GAB1: variants seen among roughly 807,000 people sequenced by gnomAD.
GAB1 encodes the protein GRB2 associated binding protein 1, also known as GRB2-associated-binding protein 1.
A neutral mutation model predicts 66.5 loss-of-function variants in GAB1; 19 were observed. The ratio of observed to expected loss-of-function variants is 0.29; its 90% confidence interval spans 0.20 to 0.42. The LOEUF is 0.42. Among genes scored for constraint, GAB1 ranks in the 10% least tolerant of loss-of-function variants. GAB1 has a pLI of 1.00. For synonymous variants in GAB1, 294 were observed against 301.4 expected, an observed-to-expected ratio of 0.98 and a Z score of 0.25; for missense variants, 732 against 858.5, an observed-to-expected ratio of 0.85 and a Z score of 1.84.
chr4:143,446,076 G>T (rs945581120), intron 6 of GAB1, among the ~76,000 whole-genome samples: 18 of 152,160 alleles, frequency 1.2e-4, no homozygotes, highest in Non-Finnish European at 1.8e-4. Flanking sequence ...AGTTTACTGA[G>T]AATGATGATT....
intron 6 of GAB1, among the ~76,000 whole-genome samples, chr4:143,457,454 G>A (rs1735251936): frequency 1.3e-5 from 2 of 152,108 alleles, no homozygotes. Flanking sequence ...CCTCCTTGCT[G>A]CTTACATTGT....
chr4:143,426,501 C>T (rs533469777), intron 2 of GAB1, among the ~76,000 whole-genome samples: 9 of 152,128 alleles, frequency 5.9e-5, no homozygotes, highest in Admixed American at 2.6e-4. Flanking sequence ...TAAGATGGTG[C>T]CACTGCACTC....
At chr4:143,439,748 C>A (rs1001620362) in intron 4 of GAB1, 54 bp from the exon 5 acceptor site, 2 of 1,250,378 alleles carry the variant, frequency 1.6e-6, no homozygotes, top group Non-Finnish European at 2.3e-6. Flanking sequence ...TCCCAATGAC[C>A]CTGAGAGCTG....
At chr4:143,352,925 C>T (rs1014939942) in intron 1 of GAB1, among the ~76,000 whole-genome samples, 4 of 151,860 alleles carry the variant, frequency 2.6e-5, no homozygotes, top group Admixed American at 6.6e-5. Context: ...CCTCCAAAGA[C>T]GACATATTGA....
chr4:143,449,265 T>C (rs985678474), intron 6 of GAB1, among the ~76,000 whole-genome samples: 2,136 of 151,994 alleles, frequency 0.014, 47 homozygotes, highest in African/African-American at 0.049. Context: ...AAGTATATTC[T>C]GTTGATTTGG....
At chr4:143,383,876 AC>A in intron 1 of GAB1, among the ~76,000 whole-genome samples, 1 of 152,222 alleles carries the variant, frequency 6.6e-6, no homozygotes, top group East Asian at 1.9e-4. Context: ...GGAGTTCGAG[AC>A]CAGCTTGGTC....
At chr4:143,378,629 G>C (rs1021695666) in intron 1 of GAB1, among the ~76,000 whole-genome samples, 29 of 129,236 alleles carry the variant, frequency 2.2e-4, no homozygotes, top group South Asian at 2.1e-3. Context: ...CTTCCAAAGT[G>C]TCTCTCTCTC....
At chr4:143,460,542 C>T (rs1735436607) in intron 8 of GAB1, 55 bp downstream of exon 8, 6 of 1,551,254 alleles carry the variant, frequency 3.9e-6, no homozygotes, top group Non-Finnish European at 3.5e-6. Flanking sequence ...GTCATTCAAG[C>T]TAGAACTGTT....
chr4:143,447,853 C>G (rs1465588090), intron 6 of GAB1, among the ~76,000 whole-genome samples: 2 of 152,132 alleles, frequency 1.3e-5, no homozygotes, highest in Non-Finnish European at 2.9e-5. Context: ...AGAGGGCATC[C>G]CTGTCTTGTG....
chr4:143,468,943 A>C lies in GAB1; in HGVS notation c.1927-88A>C. ...CTTCTCAAAAAAAAAAAGTATTCAC[A>C]GTGGATGTGTTTTGTGTTTTAAGAC... On this transcript the variant is annotated intron_variant, in intron 9 of 9. Coordinates refer to ENST00000262994, the MANE Select transcript of GAB1 (RefSeq NM_002039.4). The C allele has an allele frequency of 2.2e-6, 3 of 1,358,218 alleles. No homozygotes were observed. In the South Asian group the frequency reaches 4.1e-5, roughly 19 times the overall value. The allele number at this position is 1,358,218 out of a possible 1,614,324, so 84.1% of individuals were successfully genotyped here. A position where few individuals can be genotyped will look rare whatever the true frequency, so the allele number is the denominator to read the frequency against.
intron 1 of GAB1, among the ~76,000 whole-genome samples, chr4:143,390,015 C>T (rs758361415): frequency 1.3e-5 from 2 of 152,182 alleles, no homozygotes; most frequent in African/African-American, 4.8e-5. Context: ...TGTTGTGTAA[C>T]AGTGTTTCAC....
At chr4:143,416,249 C>CA (rs1289398978) in intron 2 of GAB1, among the ~76,000 whole-genome samples, 19 of 151,064 alleles carry the variant, frequency 1.3e-4, no homozygotes, top group African/African-American at 4.4e-4. Context: ...ACTAAAAATA[C>CA]AAAAAAAAAT....
intron 1 of GAB1, chr4:143,349,281 T>G: frequency 8.8e-7 from 1 of 1,136,676 alleles, no homozygotes; most frequent in East Asian, 2.4e-5. Flanking sequence ...AACCCTACGT[T>G]GTAGCCACAG....
intron 8 of GAB1, among the ~76,000 whole-genome samples, chr4:143,461,800 A>AG (rs1208243366): frequency 6.6e-6 from 1 of 152,224 alleles, no homozygotes; most frequent in Non-Finnish European, 1.5e-5. Flanking sequence ...AGCCCTATTT[A>AG]GAGGTATAAA....
intron 1 of GAB1, among the ~76,000 whole-genome samples, chr4:143,385,472 CCT>C (rs1730855394): frequency 6.6e-6 from 1 of 152,196 alleles, no homozygotes; most frequent in Non-Finnish European, 1.5e-5. Context: ...GTGCTTTCCT[CCT>C]CTCAGAAGAG....
At chr4:143,347,060 T>C (rs1346489432) in intron 1 of GAB1, among the ~76,000 whole-genome samples, 1 of 152,344 alleles carries the variant, frequency 6.6e-6, no homozygotes, top group South Asian at 2.1e-4. Context: ...ACCCACAGTA[T>C]ACAGAGAAAA....
intron 2 of GAB1, among the ~76,000 whole-genome samples, chr4:143,419,223 C>T (rs1732882888): frequency 6.6e-6 from 1 of 151,710 alleles, no homozygotes; most frequent in Non-Finnish European, 1.5e-5. Context: ...AATATATATA[C>T]AGTGCATATA....
In GAB1 at chr4:143,458,148, T is replaced by A. The variant is rs1427056377; in HGVS notation, c.1586-1237T>A. On this transcript the variant is annotated intron_variant, in intron 6 of 9. Transcript: ENST00000262994. ...AAGAATCATTTCCATGGATTAATTG[T>A]GCCATTATTTAAAAACTGACAGCTA... 3.3e-5 allele frequency among the ~76,000 whole-genome samples: 5 copies of A among 152,156 alleles called. No individual in the cohort carries two copies. The East Asian group carries it at 9.6e-4, about 29-fold the overall frequency.
intron 1 of GAB1, among the ~76,000 whole-genome samples, chr4:143,341,752 C>A (rs573825430): frequency 3.3e-5 from 5 of 152,304 alleles, no homozygotes; most frequent in African/African-American, 1.2e-4. Flanking sequence ...ACTGGGTGGG[C>A]ACCTGACATC....
Sources: allele counts gnomAD v4.1 joint callset (sites outside exome capture counted in the v4.1 genomes callset), GRCh38; gene constraint gnomAD v4.1.1; transcripts MANE v1.5; gene names NCBI Gene and HGNC (gene_info 2026-07-23, HGNC 2026-07-21).